Variants in NEDD1 observed in about 807,000 individuals in gnomAD.
The protein encoded by NEDD1 is NEDD1 gamma-tubulin ring complex targeting factor.
Under a neutral mutation model 74.0 loss-of-function variants are expected in NEDD1, and 33 were observed. The ratio of observed to expected loss-of-function variants is 0.45; its 90% CI spans 0.34 to 0.60. NEDD1 has a LOEUF of 0.60. Ranked by LOEUF, NEDD1 falls within the 20% of genes least tolerant of loss-of-function variation. The probability of loss-of-function intolerance (pLI) is 0.01; values close to 1 mark genes in which losing one functional copy is unlikely to be tolerated. For synonymous variants in NEDD1, 250 were observed against 264.4 expected, an observed-to-expected ratio of 0.95 and a Z score of 0.53; for missense variants, 746 against 776.5, an observed-to-expected ratio of 0.96 and a Z score of 0.47.
intron 6 of NEDD1, among the ~76,000 whole-genome samples, chr12:96,928,003 C>T (rs1334471187): frequency 6.6e-6 from 1 of 152,072 alleles, no homozygotes; most frequent in Non-Finnish European, 1.5e-5. Context: ...ATAATATGTT[C>T]TTGAGCAATT....
chr12:96,907,542 T>C (rs1873451236), intron 1 of NEDD1, 62 bp from the exon 2 acceptor site: 1 of 1,438,760 alleles, frequency 7.0e-7, no homozygotes. Flanking sequence ...TCCGAAAAGT[T>C]TGCCTCGTCT....
chr12:96,919,796 A>ATC (rs886590318), intron 5 of NEDD1, among the ~76,000 whole-genome samples, 189 bp from the exon 6 acceptor site: 1 of 152,166 alleles, frequency 6.6e-6, no homozygotes, highest in Non-Finnish European at 1.5e-5. Flanking sequence ...CCTGTCCATA[A>ATC]TCTCTCTCTC....
At position 96,907,801 on chromosome 12, in the gene NEDD1, C is replaced by T; in HGVS notation, c.-64C>T. 1 of 1,479,766 alleles carries T rather than the reference C, an allele frequency of 6.8e-7. No individual in the cohort carries two copies. Among genetic ancestry groups the T allele is most frequent in the South Asian group, 1.3e-5 (1 of 74,130 alleles). The allele number at this position is 1,479,766 out of a possible 1,614,324, so 91.7% of individuals were successfully genotyped here. A position where few individuals can be genotyped will look rare whatever the true frequency, so the allele number is the denominator to read the frequency against. ...GACTGCTAGCTTTCGACGGGACCGT[C>T]TTTGAGGGACTCATGTAAAGTCTCT... On this transcript the variant is annotated 5_prime_UTR_variant, in exon 2 of 16. Coordinates refer to ENST00000266742, the MANE Select transcript of NEDD1 (RefSeq NM_152905.4).
At chr12:96,932,296 GTTAATA>G (rs1876564949) in intron 6 of NEDD1, among the ~76,000 whole-genome samples, 1 of 148,956 alleles carries the variant, frequency 6.7e-6, no homozygotes, top group African/African-American at 2.5e-5. Context: ...ACTGAAATAA[GTTAATA>G]TTTATTTTAA....
intron 6 of NEDD1, among the ~76,000 whole-genome samples, chr12:96,926,169 A>G (rs184815480): frequency 6.6e-6 from 1 of 152,192 alleles, no homozygotes; most frequent in African/African-American, 2.4e-5. Context: ...TTTGTGATTT[A>G]CTTCTCTAAA....
In NEDD1 at chr12:96,909,804, A is replaced by G. The variant is rs1335448112; in HGVS notation, c.45A>G (p.Lys15=). ...TTGCTTCATCAGGAGATGATATTAA[A>G]ATATGGGATGCTTCATCTATGACAT... ...LRFASSGDDI[K]IWDASSMTLV... is the part of the protein sequence containing the mutation. The change falls in exon 3 of 16, where the codon AAA becomes AAG. Residue 15 remains lysine (K), a synonymous_variant. Coordinates refer to ENST00000266742, the MANE Select transcript of NEDD1 (RefSeq NM_152905.4). The G allele has an allele frequency of 6.2e-7, 1 of 1,613,722 alleles. No individual in the cohort carries two copies. Among genetic ancestry groups the G allele is most frequent in the South Asian group, 1.1e-5 (1 of 91,078 alleles).
At chr12:96,935,264 G>T in intron 7 of NEDD1, 59 bp downstream of exon 7, 1 of 1,037,728 alleles carries the variant, frequency 9.6e-7, no homozygotes. Flanking sequence ...TCCATTAACA[G>T]GCATATTTGT....
At chr12:96,941,036 T>C (rs1294821878) in intron 10 of NEDD1, among the ~76,000 whole-genome samples, 2 of 152,102 alleles carry the variant, frequency 1.3e-5, no homozygotes, top group African/African-American at 2.4e-5. Flanking sequence ...GTACATTGTT[T>C]AGGTGTGTCT....
chr12:96,926,231 C>A (rs922134021), intron 6 of NEDD1, among the ~76,000 whole-genome samples: 1 of 152,132 alleles, frequency 6.6e-6, no homozygotes, highest in African/African-American at 2.4e-5. Context: ...CCAGTTGCAA[C>A]TTGACCCCAG....
chr12:96,930,353 T>C (rs1257423934), intron 6 of NEDD1, among the ~76,000 whole-genome samples: 4 of 152,038 alleles, frequency 2.6e-5, no homozygotes, highest in Admixed American at 6.6e-5. Flanking sequence ...ATTTATTTTA[T>C]AGTGAAAGAA....
intron 6 of NEDD1, among the ~76,000 whole-genome samples, chr12:96,922,131 A>G (rs1264943074): frequency 1.3e-5 from 2 of 152,236 alleles, no homozygotes. Context: ...TGTCAGAATC[A>G]TAGAATCCTT....
chr12:96,945,567 TA>T, intron 13 of NEDD1, 125 bp from the exon 14 acceptor site: 3 of 603,240 alleles, frequency 5.0e-6, no homozygotes, highest in Non-Finnish European at 8.8e-6. Flanking sequence ...TGAATTTTTC[TA>T]AATGTCACAG....
At chr12:96,923,293 T>C (rs1443914946) in intron 6 of NEDD1, among the ~76,000 whole-genome samples, 1 of 152,216 alleles carries the variant, frequency 6.6e-6, no homozygotes, top group Non-Finnish European at 1.5e-5. Context: ...TGTCTTGTTT[T>C]AGCTGTTACA....
At chr12:96,923,072 G>T (rs1875280655) in intron 6 of NEDD1, among the ~76,000 whole-genome samples, 1 of 152,076 alleles carries the variant, frequency 6.6e-6, no homozygotes, top group South Asian at 2.1e-4. Context: ...AGTTCTGATT[G>T]TGCCACTGCA....
At chr12:96,945,509 A>G (rs918581120) in intron 13 of NEDD1, among the ~76,000 whole-genome samples, 184 bp from the exon 14 acceptor site, 5 of 152,112 alleles carry the variant, frequency 3.3e-5, no homozygotes, top group African/African-American at 4.8e-5. Flanking sequence ...ATAAATGACT[A>G]TTAGAAATAA....
intron 8 of NEDD1, 30 bp from the exon 9 acceptor site, chr12:96,937,168 T>G: frequency 7.5e-7 from 1 of 1,327,674 alleles, no homozygotes; most frequent in Non-Finnish European, 1.0e-6. Context: ...ATTAGTAACC[T>G]GAGCTTTTAA....
chr12:96,942,711 G>C lies in NEDD1; in HGVS notation c.1294+87G>C, dbSNP rs1203627488. The C allele has an allele frequency of 5.3e-5, 38 of 720,348 alleles. No homozygotes were observed. In the East Asian group the frequency reaches 9.4e-4, roughly 18 times the overall value. The allele number at this position is 720,348 out of a possible 1,614,324, so 44.6% of individuals were successfully genotyped here. A position where few individuals can be genotyped will look rare whatever the true frequency, so the allele number is the denominator to read the frequency against. ...GTAACAAATCTCTCCAACACTTTGA[G>C]GCTTAAAAAAATAAACATTTATCGT... is the stretch of plus-strand genomic sequence containing the variant. On this transcript the variant is annotated intron_variant, in intron 11 of 15. Coordinates refer to ENST00000266742, the MANE Select transcript of NEDD1 (RefSeq NM_152905.4).
chr12:96,910,491 C>T (rs1369762311), intron 3 of NEDD1, among the ~76,000 whole-genome samples: 1 of 152,166 alleles, frequency 6.6e-6, no homozygotes, highest in Admixed American at 6.5e-5. Flanking sequence ...TTCTGATTGA[C>T]ACCTTCCCTG....
chr12:96,933,503 G>A (rs1272813506), intron 6 of NEDD1, among the ~76,000 whole-genome samples: 1 of 152,068 alleles, frequency 6.6e-6, no homozygotes, highest in Non-Finnish European at 1.5e-5. Flanking sequence ...CCAGAGAAAA[G>A]ATTTGACTAT....
Sources: allele counts gnomAD v4.1 joint callset (sites outside exome capture counted in the v4.1 genomes callset), GRCh38; gene constraint gnomAD v4.1.1; transcripts MANE v1.5; gene names NCBI Gene and HGNC (gene_info 2026-07-23, HGNC 2026-07-21).